PAX5: variants seen among roughly 807,000 people sequenced by gnomAD.
The protein encoded by PAX5 is paired box protein Pax-5.
Under a neutral mutation model 43.7 loss-of-function variants are expected in PAX5, and 9 were observed. The observed-to-expected ratio is 0.21, with a 90% confidence interval of 0.12 to 0.36. The LOEUF (loss-of-function observed/expected upper bound fraction) is 0.36. PAX5 is among the 10% of genes least tolerant of loss of function. The probability of loss-of-function intolerance (pLI) is 1.00; values close to 1 mark genes in which losing one functional copy is unlikely to be tolerated. For missense variants in PAX5, 383 were observed against 532.7 expected (o/e 0.72, Z 2.77); for synonymous variants, 228 against 214.3 (o/e 1.06, Z -0.56).
At chr9:37,016,847 G>C (rs1055456406) in intron 2 of PAX5, among the ~76,000 whole-genome samples, 2 of 152,188 alleles carry the variant, frequency 1.3e-5, no homozygotes, top group East Asian at 1.9e-4. Flanking sequence ...GGGTATGTTT[G>C]GGTAAGGCCA....
chr9:36,961,109 G>T (rs796675357), intron 6 of PAX5, among the ~76,000 whole-genome samples: 5 of 152,272 alleles, frequency 3.3e-5, no homozygotes, highest in African/African-American at 1.2e-4. Flanking sequence ...CCCTTTTTCT[G>T]CCTCATGGTC....
chr9:37,009,099 A>C (rs80053421), intron 3 of PAX5, among the ~76,000 whole-genome samples: 1 of 152,240 alleles, frequency 6.6e-6, no homozygotes, highest in Non-Finnish European at 1.5e-5. Context: ...TTGTCTGACT[A>C]TTAAATTTGT....
At chr9:36,872,245 T>C (rs1825559220) in intron 8 of PAX5, among the ~76,000 whole-genome samples, 1 of 152,198 alleles carries the variant, frequency 6.6e-6, no homozygotes, top group African/African-American at 2.4e-5. Flanking sequence ...AGATTATACA[T>C]GACAGCCCAG....
chr9:36,966,704 G>C lies in PAX5; in HGVS notation c.625C>G (p.Pro209Ala), dbSNP rs1424760085. 1 of 1,614,150 alleles carries C rather than the reference G, an allele frequency of 6.2e-7. No homozygotes were observed. The highest frequency in any genetic ancestry group is 8.5e-7 in the Non-Finnish European group (1 of 1,180,004). Residue 209 changes from proline to alanine, a missense_variant, in exon 6 of 10, where the codon CCG (proline) becomes GCG (alanine). By Grantham distance (27) the Pro-to-Ala change is conservative. This residue lies in a region of PAX5 where 291 missense variants were observed against 342.5 expected (regional missense o/e 0.85). Transcript: ENST00000358127. ...CTGCCCGGAAGCGAGTGGCCGTTCG[G>C]CACCGGAGACTCCTGAATACCTTTG... is the stretch of plus-strand genomic sequence containing the variant. ...RDEGIQESPV[P>A]NGHSLPGRDF... is the part of the protein sequence containing the mutation.
chr9:36,892,184 C>T (rs73453266), intron 7 of PAX5, among the ~76,000 whole-genome samples: 10,335 of 152,252 alleles, frequency 0.068, 371 homozygotes, highest in African/African-American at 0.083. Context: ...CTCCCTGCCA[C>T]GACGGGGACT....
At chr9:37,030,207 G>C (rs1220939430) in intron 1 of PAX5, among the ~76,000 whole-genome samples, 1 of 152,208 alleles carries the variant, frequency 6.6e-6, no homozygotes, top group Non-Finnish European at 1.5e-5. Flanking sequence ...AACTCTCGGC[G>C]TTCTTGGGGG....
intron 9 of PAX5, among the ~76,000 whole-genome samples, chr9:36,841,508 C>A (rs558699487): frequency 1.3e-5 from 2 of 152,210 alleles, no homozygotes; most frequent in Non-Finnish European, 2.9e-5. Flanking sequence ...AGCTCACACT[C>A]CCCTGTAGTC....
At chr9:36,982,318 G>A (rs1300824572) in intron 5 of PAX5, among the ~76,000 whole-genome samples, 1 of 152,002 alleles carries the variant, frequency 6.6e-6, no homozygotes, top group African/African-American at 2.4e-5. Context: ...AACAAGATGT[G>A]TACAAAGAGG....
intron 5 of PAX5, among the ~76,000 whole-genome samples, chr9:36,985,511 A>C (rs950320560): frequency 1.3e-5 from 2 of 152,206 alleles, no homozygotes; most frequent in African/African-American, 4.8e-5. Flanking sequence ...TATGCTGGGC[A>C]CTGAGGGCGT....
intron 5 of PAX5, among the ~76,000 whole-genome samples, chr9:36,991,025 CTTG>C (rs1836888536): frequency 6.6e-6 from 1 of 151,372 alleles, no homozygotes. Flanking sequence ...GGGAGGATGG[CTTG>C]AGCCCAGGAG....
At position 36,919,259 on chromosome 9, in the gene PAX5, A is replaced by G. The variant is rs543754347; in HGVS notation, c.910+4096T>C. ...TACCATTGAGACCTACTGCTCAGAA[A>G]AAAAAAAAGATTCTTTTCAAAATAT... On this transcript the variant is annotated intron_variant, in intron 7 of 9. Coordinates refer to ENST00000358127, the MANE Select transcript of PAX5 (RefSeq NM_016734.3). 1.1e-4 allele frequency among the ~76,000 whole-genome samples: 17 copies of G among 152,324 alleles called. No homozygotes were observed. In the South Asian group the frequency reaches 2.3e-3, roughly 20 times the overall value.
At chr9:36,846,796 G>A (rs2131590412) in intron 9 of PAX5, 47 bp downstream of exon 9, 6 of 1,380,920 alleles carry the variant, frequency 4.3e-6, no homozygotes, top group Non-Finnish European at 6.2e-6. Flanking sequence ...GCCTGGATGG[G>A]GTAGCTGATG....
chr9:36,925,110 G>A (rs1431065953), intron 6 of PAX5, among the ~76,000 whole-genome samples: 1 of 152,106 alleles, frequency 6.6e-6, no homozygotes, highest in African/African-American at 2.4e-5. Context: ...AGAAGGGGCT[G>A]GGACTCAGGC....
chr9:36,977,859 C>T (rs1006710130), intron 5 of PAX5, among the ~76,000 whole-genome samples: 1 of 152,144 alleles, frequency 6.6e-6, no homozygotes, highest in African/African-American at 2.4e-5. Context: ...TGCATTCCAA[C>T]CAGAGGGAAC....
At chr9:36,974,271 G>A (rs1835233996) in intron 5 of PAX5, among the ~76,000 whole-genome samples, 1 of 152,192 alleles carries the variant, frequency 6.6e-6, no homozygotes, top group Non-Finnish European at 1.5e-5. Context: ...GCGAGACTGA[G>A]AGAGCATTGT....
At chr9:36,964,308 G>T (rs1053982147) in intron 6 of PAX5, among the ~76,000 whole-genome samples, 1 of 151,674 alleles carries the variant, frequency 6.6e-6, no homozygotes, top group Non-Finnish European at 1.5e-5. Flanking sequence ...AAACCTTCTG[G>T]CTGGGCGCAG....
intron 5 of PAX5, among the ~76,000 whole-genome samples, chr9:36,978,911 G>A (rs890745664): frequency 2.6e-5 from 4 of 152,028 alleles, no homozygotes; most frequent in South Asian, 2.1e-4. Context: ...GATGGTCCCC[G>A]ATATCTATAT....
chr9:36,867,944 C>G (rs776323209), intron 8 of PAX5, among the ~76,000 whole-genome samples: 1 of 152,228 alleles, frequency 6.6e-6, no homozygotes, highest in Non-Finnish European at 1.5e-5. Flanking sequence ...TTTCCAGCCT[C>G]CCAGCCTGGT....
chr9:36,837,042 T>G lies in PAX5; in HGVS notation c.*3518A>C, dbSNP rs1231596919. 4.3e-6 allele frequency: 1 copy of G among 232,552 alleles called. No individual in the cohort carries two copies. The highest frequency in any genetic ancestry group is 5.6e-5 in the Admixed American group (1 of 17,772). The allele number at this position is 232,552 out of a possible 1,614,324, so 14.4% of individuals were successfully genotyped here. A position where few individuals can be genotyped will look rare whatever the true frequency, so the allele number is the denominator to read the frequency against. On this transcript the variant is annotated 3_prime_UTR_variant, in exon 10 of 10. Transcript: ENST00000358127. Reference sequence around the variant, plus strand: ...CAGGCCCCTAGGTCAGGCCAGCCTCTGGGTCCCTGTTCTTTCTTGCCTGAT... The same window carrying G: ...CAGGCCCCTAGGTCAGGCCAGCCTCGGGGTCCCTGTTCTTTCTTGCCTGAT...
Sources: gnomAD v4.1 joint callset for allele counts (sites outside exome capture counted in the v4.1 genomes callset) on GRCh38, gnomAD v4.1.1 for gene constraint, gnomAD v4.1.1 regional missense constraint, MANE v1.5 for transcripts, NCBI Gene and HGNC (gene_info 2026-07-23, HGNC 2026-07-21) for gene names.